UVRAG: variants seen among roughly 807,000 people sequenced by gnomAD.
UVRAG encodes UV radiation resistance-associated gene protein.
In UVRAG, 19 loss-of-function variants were observed where a neutral mutation model predicts 78.0. The ratio of observed to expected loss-of-function variants is 0.24; its 90% CI spans 0.17 to 0.36. The LOEUF (loss-of-function observed/expected upper bound fraction) is 0.36, where lower values mean the gene tolerates loss of function less well. UVRAG is among the 10% of genes least tolerant of loss of function. The probability of loss-of-function intolerance (pLI) is 1.00; values close to 1 mark genes in which losing one functional copy is unlikely to be tolerated. For synonymous variants in UVRAG, 323 were observed against 324.6 expected (o/e 1.00, Z 0.05); for missense variants, 740 against 853.8 (o/e 0.87, Z 1.66).
chr11:76,027,184 G>C (rs1388130588), intron 12 of UVRAG, among the ~76,000 whole-genome samples: 1 of 152,068 alleles, frequency 6.6e-6, no homozygotes, highest in East Asian at 1.9e-4. Flanking sequence ...ATTAAGTTTT[G>C]TACTTGTAAA....
chr11:76,137,785 G>A (rs1043175436), intron 14 of UVRAG: 1 of 292,694 alleles, frequency 3.4e-6, no homozygotes, highest in Non-Finnish European at 6.6e-6. Context: ...GCACACACCT[G>A]TAGTCCCAGC....
At chr11:76,007,462 G>T (rs1949967193) in intron 9 of UVRAG, 72 bp from the exon 10 acceptor site, 2 of 1,179,214 alleles carry the variant, frequency 1.7e-6, no homozygotes, top group South Asian at 2.7e-5. Flanking sequence ...TGGATTAATT[G>T]TGTGGAAATA....
intron 1 of UVRAG, among the ~76,000 whole-genome samples, chr11:75,826,689 C>T (rs1945519531): frequency 6.8e-6 from 1 of 146,684 alleles, no homozygotes; most frequent in Non-Finnish European, 1.5e-5. Context: ...CTTACCATGC[C>T]TATCTTTTTT....
At chr11:75,837,326 C>CAAAA (rs753820781) in intron 1 of UVRAG, among the ~76,000 whole-genome samples, 692 of 64,408 alleles carry the variant, frequency 0.011, 14 homozygotes, top group African/African-American at 0.033. Flanking sequence ...GACTCTGTCT[C>CAAAA]AAAAAAAAAA....
chr11:76,009,341 T>G (rs1335281788), intron 11 of UVRAG, among the ~76,000 whole-genome samples: 4 of 152,186 alleles, frequency 2.6e-5, no homozygotes, highest in Non-Finnish European at 5.9e-5. Context: ...CTGTTATCTT[T>G]TAACTAAAAA....
At chr11:76,093,321 G>A (rs947221499) in intron 13 of UVRAG, among the ~76,000 whole-genome samples, 2 of 152,152 alleles carry the variant, frequency 1.3e-5, no homozygotes, top group Non-Finnish European at 1.5e-5. Flanking sequence ...TTTTCGCTCA[G>A]GATTGTCTTG....
chr11:75,887,881 A>G (rs1947123951), intron 4 of UVRAG, among the ~76,000 whole-genome samples: 1 of 151,630 alleles, frequency 6.6e-6, no homozygotes, highest in African/African-American at 2.4e-5. Context: ...GTCTGGCCTC[A>G]GTTCCTTAAT....
At chr11:76,004,322 C>T (rs1420271431) in intron 9 of UVRAG, among the ~76,000 whole-genome samples, 1 of 152,124 alleles carries the variant, frequency 6.6e-6, no homozygotes, top group Non-Finnish European at 1.5e-5. Flanking sequence ...AAACATGAAC[C>T]CTATTCAAGT....
intron 5 of UVRAG, among the ~76,000 whole-genome samples, chr11:75,890,338 A>G (rs1009157684): frequency 1.3e-5 from 2 of 152,228 alleles, no homozygotes; most frequent in Non-Finnish European, 2.9e-5. Flanking sequence ...TAACAGATGT[A>G]TTACTTTGAA....
At chr11:75,961,575 T>C in intron 7 of UVRAG, 26 bp downstream of exon 7, 1 of 1,531,424 alleles carries the variant, frequency 6.5e-7, no homozygotes, top group South Asian at 1.2e-5. Context: ...TTTACCTGTT[T>C]ACACTTCTTG....
At chr11:75,928,961 A>AAAAAAAAAAAAAG (rs767893577) in intron 6 of UVRAG, among the ~76,000 whole-genome samples, 5 of 142,934 alleles carry the variant, frequency 3.5e-5, no homozygotes, top group African/African-American at 1.4e-4. Context: ...AAAAAAAAAA[A>AAAAAAAAAAAAAG]AAAGAATTGA....
chr11:75,922,442 C>A (rs1947998663), intron 6 of UVRAG, among the ~76,000 whole-genome samples: 1 of 151,656 alleles, frequency 6.6e-6, no homozygotes, highest in Non-Finnish European at 1.5e-5. Context: ...TTAAGGAAAG[C>A]TCTCCTTTTT....
intron 6 of UVRAG, among the ~76,000 whole-genome samples, chr11:75,949,714 T>TGTAC (rs1555093474): frequency 7.3e-6 from 1 of 136,870 alleles, no homozygotes; most frequent in Non-Finnish European, 1.6e-5. Context: ...TATATATATA[T>TGTAC]ACACACACAC....
intron 1 of UVRAG, among the ~76,000 whole-genome samples, chr11:75,827,510 C>A (rs1307087100): frequency 6.6e-6 from 1 of 152,136 alleles, no homozygotes; most frequent in African/African-American, 2.4e-5. Flanking sequence ...ACTCAGGAGG[C>A]TGAGGCGGGA....
intron 13 of UVRAG, among the ~76,000 whole-genome samples, chr11:76,071,575 T>A (rs1951309891): frequency 6.6e-6 from 1 of 151,924 alleles, no homozygotes; most frequent in African/African-American, 2.4e-5. Context: ...TAGCTACTAC[T>A]TTTTTTTGGC....
intron 5 of UVRAG, among the ~76,000 whole-genome samples, chr11:75,895,584 C>T (rs190680280): frequency 1.0e-3 from 157 of 150,390 alleles, no homozygotes; most frequent in African/African-American, 3.6e-3. Context: ...TCTGGTTAAG[C>T]GTATGTAGCA....
intron 6 of UVRAG, among the ~76,000 whole-genome samples, chr11:75,932,809 G>C (rs1178159491): frequency 6.6e-6 from 1 of 152,066 alleles, no homozygotes; most frequent in Non-Finnish European, 1.5e-5. Context: ...AGACATGAAA[G>C]CTCTGCAGTG....
chr11:76,030,522 C>T (rs1276566476), intron 12 of UVRAG, among the ~76,000 whole-genome samples: 8 of 152,170 alleles, frequency 5.3e-5, no homozygotes, highest in Non-Finnish European at 2.9e-5. Context: ...AGAGCATTTT[C>T]AAACTAAATA....
chr11:75,892,368 C>T lies in UVRAG; in HGVS notation c.507+3465C>T. 6 of 985,406 alleles carry T rather than the reference C, an allele frequency of 6.1e-6. No individual in the cohort carries two copies. The South Asian group carries it at 2.8e-4, about 46-fold the overall frequency. The allele number at this position is 985,406 out of a possible 1,614,324, so 61.0% of individuals were successfully genotyped here. On this transcript the variant is annotated intron_variant, in intron 5 of 14. Coordinates refer to ENST00000356136, the MANE Select transcript of UVRAG (RefSeq NM_003369.4). ...GAGAAATGGAGTGGGGCATTTGTCT[C>T]CTGTGTGGGAACATGGGAATGCAGA...
Sources: gnomAD v4.1 joint callset for allele counts (sites outside exome capture counted in the v4.1 genomes callset) on GRCh38, gnomAD v4.1.1 for gene constraint, MANE v1.5 for transcripts, NCBI Gene and HGNC (gene_info 2026-07-23, HGNC 2026-07-21) for gene names.